ARB2A: variants seen among roughly 807,000 people sequenced by gnomAD.
ARB2A encodes the protein ARB2 cotranscriptional regulator A.
the ARB2A span, among the ~76,000 whole-genome samples, chr5:94,020,016 A>G: frequency 1.3e-5 from 2 of 152,204 alleles, no homozygotes; most frequent in African/African-American, 4.8e-5. Context: ...AACCAACTCA[A>G]ATGTCCATCA....
At chr5:93,958,833 T>C in the ARB2A span, 1 of 1,604,484 alleles carries the variant, frequency 6.2e-7, no homozygotes, top group Non-Finnish European at 8.5e-7. Context: ...TCTTCATTTA[T>C]AATAAGTCTT....
chr5:93,950,171 C>T, the ARB2A span, among the ~76,000 whole-genome samples: 4 of 152,160 alleles, frequency 2.6e-5, no homozygotes, highest in African/African-American at 9.7e-5. Flanking sequence ...CTGCAATGAA[C>T]ATGGGAGTGC....
the ARB2A span, among the ~76,000 whole-genome samples, chr5:93,636,521 T>C: frequency 3.3e-5 from 5 of 152,210 alleles, no homozygotes; most frequent in African/African-American, 1.2e-4. Context: ...AGTGAAAAGA[T>C]TACTGTCTAT....
At chr5:93,995,029 A>T in the ARB2A span, among the ~76,000 whole-genome samples, 2 of 152,216 alleles carry the variant, frequency 1.3e-5, no homozygotes, top group Non-Finnish European at 2.9e-5. Flanking sequence ...TATTATAGAA[A>T]GTTAAAATTA....
the ARB2A span, among the ~76,000 whole-genome samples, chr5:93,822,647 T>C: frequency 2.0e-5 from 3 of 151,944 alleles, no homozygotes; most frequent in Admixed American, 6.6e-5. Context: ...TATATCTATA[T>C]AGCTATATAT....
chr5:93,929,752 A>G, the ARB2A span, among the ~76,000 whole-genome samples: 1 of 152,218 alleles, frequency 6.6e-6, no homozygotes, highest in Non-Finnish European at 1.5e-5. Context: ...CAAACAGAAA[A>G]GAAATGAATT....
At chr5:93,743,720 G>A in the ARB2A span, 1 of 210,362 alleles carries the variant, frequency 4.8e-6, no homozygotes, top group African/African-American at 2.4e-5. Flanking sequence ...AGGCTGGAGT[G>A]CAGTGGCGTG....
At chr5:93,980,071 C>T in the ARB2A span, among the ~76,000 whole-genome samples, 1 of 152,126 alleles carries the variant, frequency 6.6e-6, no homozygotes, top group Non-Finnish European at 1.5e-5. Flanking sequence ...GCTAAAGTTC[C>T]TTTACACTGC....
At chr5:94,101,266 C>T in the ARB2A span, among the ~76,000 whole-genome samples, 1 of 152,164 alleles carries the variant, frequency 6.6e-6, no homozygotes, top group Non-Finnish European at 1.5e-5. Flanking sequence ...CATCTCACAC[C>T]AGTCAGAATG....
the ARB2A span, among the ~76,000 whole-genome samples, chr5:93,958,180 T>G: frequency 6.6e-6 from 1 of 152,052 alleles, no homozygotes; most frequent in African/African-American, 2.4e-5. Context: ...TGAATGCAAA[T>G]AAGAATAAAG....
At chr5:93,730,120 C>T in the ARB2A span, among the ~76,000 whole-genome samples, 2 of 152,126 alleles carry the variant, frequency 1.3e-5, no homozygotes, top group South Asian at 4.1e-4. Flanking sequence ...ATGGAGCATG[C>T]CATTTCTGGA....
At chr5:93,801,192 A>G in the ARB2A span, among the ~76,000 whole-genome samples, 1 of 152,178 alleles carries the variant, frequency 6.6e-6, no homozygotes, top group East Asian at 1.9e-4. Flanking sequence ...ATCACTGGGC[A>G]AACTTGCCCT....
the ARB2A span, among the ~76,000 whole-genome samples, chr5:93,668,480 A>G: frequency 4.7e-4 from 72 of 152,362 alleles, no homozygotes; most frequent in East Asian, 0.014. Flanking sequence ...GTCCACATAT[A>G]TAAGAATAAC....
At chr5:93,890,950 T>C in the ARB2A span, among the ~76,000 whole-genome samples, 1 of 152,128 alleles carries the variant, frequency 6.6e-6, no homozygotes, top group Non-Finnish European at 1.5e-5. Context: ...TGACAACGCT[T>C]ACTGGAAGAT....
At chr5:94,067,550 G>A in the ARB2A span, among the ~76,000 whole-genome samples, 1 of 152,104 alleles carries the variant, frequency 6.6e-6, no homozygotes, top group Admixed American at 6.5e-5. Flanking sequence ...AATGAGCTGA[G>A]AAAGTGATCA....
the ARB2A span, among the ~76,000 whole-genome samples, chr5:93,649,255 T>G: frequency 6.6e-6 from 1 of 152,184 alleles, no homozygotes; most frequent in African/African-American, 2.4e-5. Context: ...TGGCAATTGG[T>G]TAACCCTCAC....
chr5:93,656,255 A>C, the ARB2A span, among the ~76,000 whole-genome samples: 1 of 152,220 alleles, frequency 6.6e-6, no homozygotes, highest in Non-Finnish European at 1.5e-5. Context: ...AAATTTTAAA[A>C]TTTCAAAATT....
the ARB2A span, among the ~76,000 whole-genome samples, chr5:94,076,748 T>G: frequency 6.6e-6 from 1 of 152,136 alleles, no homozygotes; most frequent in Non-Finnish European, 1.5e-5. Flanking sequence ...ACAGCACCCT[T>G]TGCTAAATAT....
the ARB2A span, among the ~76,000 whole-genome samples, chr5:94,097,178 C>T: frequency 6.6e-6 from 1 of 152,222 alleles, no homozygotes; most frequent in East Asian, 1.9e-4. Flanking sequence ...CAGAACAGGG[C>T]TAACTTGCCT....
Sources: gnomAD v4.1 joint callset for allele counts (sites outside exome capture counted in the v4.1 genomes callset) on GRCh38, gnomAD v4.1.1 for gene constraint, MANE v1.5 for transcripts, NCBI Gene and HGNC (gene_info 2026-07-23, HGNC 2026-07-21) for gene names.